HS6ST3: variants seen among roughly 807,000 people sequenced by gnomAD.
HS6ST3 encodes heparan-sulfate 6-O-sulfotransferase 3.
Under a neutral mutation model 36.7 loss-of-function variants are expected in HS6ST3, and 12 were observed. That is an observed-to-expected ratio of 0.33 (90% CI 0.21 to 0.53). HS6ST3 has a LOEUF of 0.53. Ranked by LOEUF, HS6ST3 falls within the 20% of genes least tolerant of loss-of-function variation. The pLI, the probability that HS6ST3 is intolerant of heterozygous loss-of-function variation, is 0.95. For synonymous variants in HS6ST3, 240 were observed against 257.5 expected (o/e 0.93, Z 0.65); for missense variants, 584 against 640.9 (o/e 0.91, Z 0.96).
At chr13:96,606,611 GAGGGAGGGA>G (rs1282890910) in intron 1 of HS6ST3, among the ~76,000 whole-genome samples, 3 of 105,310 alleles carry the variant, frequency 2.8e-5, no homozygotes, top group African/African-American at 1.1e-4. Context: ...GGGAGGGAGG[GAGGGAGGGA>G]GGGAGGGAGG....
chr13:96,702,915 T>C (rs776133978), intron 1 of HS6ST3, among the ~76,000 whole-genome samples: 29 of 152,250 alleles, frequency 1.9e-4, no homozygotes, highest in Non-Finnish European at 3.2e-4. Context: ...GAAGTGTTTA[T>C]AAACATAGAA....
At chr13:96,665,286 T>C (rs757250661) in intron 1 of HS6ST3, among the ~76,000 whole-genome samples, 1 of 152,226 alleles carries the variant, frequency 6.6e-6, no homozygotes, top group Non-Finnish European at 1.5e-5. Flanking sequence ...TACATTTCAA[T>C]TGAATGCCTA....
chr13:96,171,933 T>A (rs934941517), intron 1 of HS6ST3, among the ~76,000 whole-genome samples: 1 of 152,094 alleles, frequency 6.6e-6, no homozygotes, highest in African/African-American at 2.4e-5. Context: ...TAGACATAGA[T>A]TGAAAGAAAA....
At chr13:96,823,982 A>C (rs771177455) in intron 1 of HS6ST3, among the ~76,000 whole-genome samples, 4 of 152,202 alleles carry the variant, frequency 2.6e-5, no homozygotes, top group Non-Finnish European at 4.4e-5. Flanking sequence ...ATTATTGCGT[A>C]TCCAAGTGGG....
chr13:96,349,500 G>A (rs1044609862), intron 1 of HS6ST3, among the ~76,000 whole-genome samples: 3 of 152,166 alleles, frequency 2.0e-5, no homozygotes, highest in African/African-American at 7.2e-5. Context: ...AACACCTTCT[G>A]AGAAAGGAAA....
At chr13:96,404,235 G>A (rs1466839864) in intron 1 of HS6ST3, among the ~76,000 whole-genome samples, 2 of 152,120 alleles carry the variant, frequency 1.3e-5, no homozygotes, top group Non-Finnish European at 2.9e-5. Context: ...GGAGAAAAAA[G>A]CCCACTATTC....
intron 1 of HS6ST3, among the ~76,000 whole-genome samples, chr13:96,369,804 A>T (rs1253893542): frequency 6.6e-6 from 1 of 152,116 alleles, no homozygotes; most frequent in African/African-American, 2.4e-5. Context: ...TTTAAGTACT[A>T]TTCACCTGGA....
chr13:96,257,001 A>G (rs1388834559), intron 1 of HS6ST3, among the ~76,000 whole-genome samples: 1 of 152,174 alleles, frequency 6.6e-6, no homozygotes, highest in Non-Finnish European at 1.5e-5. Flanking sequence ...TTTCAGCTGG[A>G]GCATTTCTCA....
chr13:96,522,651 A>G (rs2056098245), intron 1 of HS6ST3, among the ~76,000 whole-genome samples: 1 of 148,822 alleles, frequency 6.7e-6, no homozygotes, highest in Non-Finnish European at 1.5e-5. Context: ...AGTCTGTTTT[A>G]TCAGAGTCAG....
At chr13:96,293,237 G>A (rs1002748212) in intron 1 of HS6ST3, among the ~76,000 whole-genome samples, 6 of 152,098 alleles carry the variant, frequency 3.9e-5, no homozygotes, top group Non-Finnish European at 7.4e-5. Context: ...TTGAAGGGCA[G>A]GGTTAGCTAC....
At chr13:96,125,823 A>G (rs2053948050) in intron 1 of HS6ST3, among the ~76,000 whole-genome samples, 2 of 151,408 alleles carry the variant, frequency 1.3e-5, no homozygotes, top group Admixed American at 1.3e-4. Flanking sequence ...GTACATGTGC[A>G]CAATGTGCAG....
intron 1 of HS6ST3, among the ~76,000 whole-genome samples, chr13:96,773,357 G>A (rs759336030): frequency 6.6e-6 from 1 of 152,184 alleles, no homozygotes; most frequent in Non-Finnish European, 1.5e-5. Context: ...AAGCCAGGGA[G>A]CCAAGTGGTC....
chr13:96,652,985 CTGTT>C (rs1203752829), intron 1 of HS6ST3, among the ~76,000 whole-genome samples: 4 of 152,012 alleles, frequency 2.6e-5, no homozygotes, highest in Non-Finnish European at 5.9e-5. Flanking sequence ...TGATGGTTGA[CTGTT>C]TGTTCTCCAA....
chr13:96,631,594 C>G (rs1434288205), intron 1 of HS6ST3, among the ~76,000 whole-genome samples: 1 of 152,170 alleles, frequency 6.6e-6, no homozygotes, highest in Admixed American at 6.5e-5. Flanking sequence ...TGATTCTCAG[C>G]CCCAGTCTGT....
chr13:96,534,697 G>A (rs146689457), intron 1 of HS6ST3, among the ~76,000 whole-genome samples: 3 of 152,178 alleles, frequency 2.0e-5, no homozygotes, highest in South Asian at 4.1e-4. Flanking sequence ...GGTGGCACAC[G>A]CCTGTAATCC....
chr13:96,828,764 T>G (rs1878704828), intron 1 of HS6ST3, among the ~76,000 whole-genome samples: 1 of 152,256 alleles, frequency 6.6e-6, no homozygotes, highest in African/African-American at 2.4e-5. Context: ...GTAAAGCATT[T>G]GACATCCAAG....
Position 96,811,521 on chromosome 13 carries a change from G to T in HS6ST3, c.708-20969G>T, listed in dbSNP as rs9584412. On this transcript the variant is annotated intron_variant, in intron 1 of 1. Coordinates refer to ENST00000376705, the MANE Select transcript of HS6ST3 (RefSeq NM_153456.4). ...TATTATTCCATTTTTGCTATATTGG[G>T]AAGCAAATGCATTTATTACAAAGTG... Among the ~76,000 whole-genome samples the T allele has an allele frequency of 1.3e-3, 198 of 152,240 alleles. 2 individuals carry two copies. Among genetic ancestry groups the T allele is most frequent in the African/African-American group, 4.6e-3 (192 of 41,550 alleles).
intron 1 of HS6ST3, among the ~76,000 whole-genome samples, chr13:96,435,323 G>A (rs1181693970): frequency 1.3e-5 from 2 of 151,604 alleles, no homozygotes; most frequent in African/African-American, 2.4e-5. Flanking sequence ...CCCTTCCAAG[G>A]TGTACTCCTT....
intron 1 of HS6ST3, among the ~76,000 whole-genome samples, chr13:96,684,636 C>T (rs906106712): frequency 6.6e-6 from 1 of 152,068 alleles, no homozygotes; most frequent in South Asian, 2.1e-4. Context: ...CTTTGAATGA[C>T]TGGGATCTGA....
Sources: allele counts gnomAD v4.1 joint callset (sites outside exome capture counted in the v4.1 genomes callset), GRCh38; gene constraint gnomAD v4.1.1; transcripts MANE v1.5; gene names NCBI Gene and HGNC (gene_info 2026-07-23, HGNC 2026-07-21).